The following ZNF827 variants were observed in gnomAD, a reference collection of about 807,000 sequenced individuals.
ZNF827 encodes the protein zinc finger protein 827.
ZNF827 carries 13 observed loss-of-function variants against 102.4 expected under a neutral mutation model. The observed-to-expected ratio is 0.13, with a 90% CI of 0.08 to 0.20. ZNF827 has a LOEUF of 0.20. Ranked by LOEUF, ZNF827 falls within the 10% of genes least tolerant of loss-of-function variation. ZNF827 has a pLI of 1.00. For synonymous variants in ZNF827, 523 were observed against 536.2 expected, an observed-to-expected ratio of 0.98 and a Z score of 0.34; for missense variants, 1,103 against 1,344.4, an observed-to-expected ratio of 0.82 and a Z score of 2.81.
intron 5 of ZNF827, 135 bp from the exon 6 acceptor site, chr4:145,849,696 AC>A: frequency 1.5e-6 from 2 of 1,368,896 alleles, no homozygotes; most frequent in Non-Finnish European, 2.0e-6. Flanking sequence ...GGCACACTGG[AC>A]CATAGTTTGA....
chr4:145,841,117 C>T (rs1216871007), intron 7 of ZNF827, among the ~76,000 whole-genome samples: 1 of 152,204 alleles, frequency 6.6e-6, no homozygotes, highest in Non-Finnish European at 1.5e-5. Flanking sequence ...TTTATACCCC[C>T]ATGGACACTG....
At chr4:145,882,094 G>T (rs953960798) in intron 4 of ZNF827, among the ~76,000 whole-genome samples, 1 of 152,140 alleles carries the variant, frequency 6.6e-6, no homozygotes, top group Non-Finnish European at 1.5e-5. Flanking sequence ...GCTGGCTATG[G>T]GTGACAAGGC....
At chr4:145,799,185 T>A (rs1740650438) in intron 8 of ZNF827, among the ~76,000 whole-genome samples, 1 of 152,192 alleles carries the variant, frequency 6.6e-6, no homozygotes, top group African/African-American at 2.4e-5. Context: ...CAACAAATAT[T>A]GAGATTTACA....
At chr4:145,856,724 C>T in intron 5 of ZNF827, among the ~76,000 whole-genome samples, 1 of 128,294 alleles carries the variant, frequency 7.8e-6, no homozygotes, top group Non-Finnish European at 1.6e-5. Context: ...CACACACACA[C>T]CCCATTTCAC....
chr4:145,780,054 G>C (rs1301675495), intron 8 of ZNF827, among the ~76,000 whole-genome samples: 4 of 152,202 alleles, frequency 2.6e-5, no homozygotes, highest in African/African-American at 9.7e-5. Context: ...AGCTGGGCAT[G>C]GTGGCGGGTG....
At chr4:145,923,642 C>A (rs549478827) in intron 1 of ZNF827, among the ~76,000 whole-genome samples, 2 of 151,888 alleles carry the variant, frequency 1.3e-5, no homozygotes, top group African/African-American at 4.8e-5. Flanking sequence ...AGGAGACTCT[C>A]GTTGTCTTCT....
At chr4:145,935,714 G>A (rs1440204664) in intron 1 of ZNF827, among the ~76,000 whole-genome samples, 1 of 152,090 alleles carries the variant, frequency 6.6e-6, no homozygotes, top group Non-Finnish European at 1.5e-5. Flanking sequence ...CAAAGTAGGA[G>A]AGCCCACTCT....
chr4:145,872,319 GAA>G (rs1491384841), intron 4 of ZNF827, among the ~76,000 whole-genome samples: 26 of 152,082 alleles, frequency 1.7e-4, no homozygotes, highest in Non-Finnish European at 4.4e-5. Flanking sequence ...AGAAGAATAA[GAA>G]GAGAGAGAGA....
At chr4:145,932,475 AT>A (rs59749911) in intron 1 of ZNF827, among the ~76,000 whole-genome samples, 62,785 of 136,046 alleles carry the variant, frequency 0.46, 15,043 homozygotes, top group African/African-American at 0.71. Context: ...AACTCCTTGT[AT>A]TTTTTTTTTT....
chr4:145,859,748 G>T (rs1300854494), intron 5 of ZNF827, among the ~76,000 whole-genome samples: 3 of 152,156 alleles, frequency 2.0e-5, no homozygotes, highest in African/African-American at 7.2e-5. Flanking sequence ...AGATGGCAGG[G>T]GGAAGAGGAC....
chr4:145,878,281 A>G (rs185299395), intron 4 of ZNF827, among the ~76,000 whole-genome samples: 1 of 152,184 alleles, frequency 6.6e-6, no homozygotes. Flanking sequence ...ATGCAATTCC[A>G]TGGTTCCAAT....
At chr4:145,892,948 C>A (rs921538831) in intron 2 of ZNF827, among the ~76,000 whole-genome samples, 2 of 152,236 alleles carry the variant, frequency 1.3e-5, no homozygotes, top group African/African-American at 2.4e-5. Context: ...CCAATGGAGA[C>A]AAATTTTCGG....
intron 1 of ZNF827, among the ~76,000 whole-genome samples, chr4:145,934,940 G>A (rs572701584): frequency 2.6e-5 from 4 of 152,098 alleles, no homozygotes; most frequent in Non-Finnish European, 5.9e-5. Flanking sequence ...GTGTTCACAG[G>A]TTCTACAGAT....
At chr4:145,845,489 TA>T (rs1040342899) in intron 7 of ZNF827, among the ~76,000 whole-genome samples, 8 of 151,972 alleles carry the variant, frequency 5.3e-5, no homozygotes, top group African/African-American at 1.5e-4. Context: ...GCTGGGAGGT[TA>T]AAAAAAATTT....
rs563181856 is a variant in ZNF827 at position 145,918,661 on chromosome 4, A to T, written c.44-15446T>A. ...GATGGATCAGTGGTTTCCAAACCAC[A>T]CATAGAGGAAGCCTGGGGCTCTCGG... On this transcript the variant is annotated intron_variant, in intron 1 of 14. Coordinates refer to ENST00000508784, the MANE Select transcript of ZNF827 (RefSeq NM_001306215.2). Among the ~76,000 whole-genome samples the T allele has an allele frequency of 3.9e-5, 6 of 152,324 alleles. 1 individual carries two copies. The East Asian group carries it at 1.2e-3, about 29-fold the overall frequency.
At chr4:145,935,287 A>G (rs1475522400) in intron 1 of ZNF827, among the ~76,000 whole-genome samples, 1 of 152,252 alleles carries the variant, frequency 6.6e-6, no homozygotes, top group African/African-American at 2.4e-5. Flanking sequence ...ACTTAGAACT[A>G]CAATTATATT....
chr4:145,867,874 CT>C (rs1748343313), intron 5 of ZNF827, among the ~76,000 whole-genome samples: 1 of 152,200 alleles, frequency 6.6e-6, no homozygotes, highest in Admixed American at 6.5e-5. Flanking sequence ...TGAATTATTA[CT>C]CTTGTCTATA....
intron 3 of ZNF827, among the ~76,000 whole-genome samples, chr4:145,888,028 T>TA (rs1480732759): frequency 2.6e-5 from 4 of 152,336 alleles, no homozygotes; most frequent in Middle Eastern, 3.4e-3. Flanking sequence ...GCCCAAGTTC[T>TA]AAAATCAAAA....
chr4:145,892,557 A>C, intron 2 of ZNF827, 142 bp from the exon 3 acceptor site: 1 of 960,930 alleles, frequency 1.0e-6, no homozygotes, highest in Non-Finnish European at 1.5e-6. Context: ...TTTTATCCAT[A>C]AGAAAGTTTT....
Sources: gnomAD v4.1 joint callset for allele counts (sites outside exome capture counted in the v4.1 genomes callset) on GRCh38, gnomAD v4.1.1 for gene constraint, MANE v1.5 for transcripts, NCBI Gene and HGNC (gene_info 2026-07-23, HGNC 2026-07-21) for gene names.